Variants in JMJD1C observed in about 807,000 individuals in gnomAD.
JMJD1C encodes the protein jumonji domain-containing protein 1C.
In JMJD1C, 31 loss-of-function variants were observed where a neutral mutation model predicts 245.3. That is an observed-to-expected ratio of 0.13 (90% confidence interval 0.09 to 0.17). The LOEUF is 0.17. Ranked by LOEUF, JMJD1C falls within the 10% of genes least tolerant of loss-of-function variation. The pLI, the probability that JMJD1C is intolerant of heterozygous loss-of-function variation, is 1.00. For synonymous variants in JMJD1C, 1,057 were observed against 1,017.4 expected, an observed-to-expected ratio of 1.04 and a Z score of -0.74; for missense variants, 2,691 against 3,000.2, an observed-to-expected ratio of 0.90 and a Z score of 2.41.
At position 63,452,062 on chromosome 10, in the gene JMJD1C, A is replaced by C. The variant is rs946557805; in HGVS notation, c.168+13433T>G. Among the ~76,000 whole-genome samples the C allele has an allele frequency of 2.6e-5, 4 of 152,306 alleles. No individual in the cohort carries two copies. In the East Asian group the frequency reaches 7.7e-4, roughly 29 times the overall value. Reference sequence around the variant, plus strand: ...ACTTCTGGGAAATGACACCAAAAGCACCAACAACAAAATAAAAGATGGATA... The same window carrying C: ...ACTTCTGGGAAATGACACCAAAAGCCCCAACAACAAAATAAAAGATGGATA... On this transcript the variant is annotated intron_variant, in intron 1 of 25. Coordinates refer to ENST00000399262, the MANE Select transcript of JMJD1C (RefSeq NM_032776.3).
intron 1 of JMJD1C, chr10:63,428,082 G>A (rs944076396): frequency 1.2e-5 from 6 of 484,580 alleles, no homozygotes; most frequent in Admixed American, 3.3e-5. Context: ...TATATATTAA[G>A]ACAGCTGATC....
intron 1 of JMJD1C, among the ~76,000 whole-genome samples, chr10:63,463,977 T>C (rs888577993): frequency 5.3e-5 from 8 of 152,140 alleles, no homozygotes; most frequent in African/African-American, 1.4e-4. Context: ...TATTTATATA[T>C]ACAAATTTTT....
chr10:63,180,001 TTTTTC>T (rs1043991603), intron 22 of JMJD1C, among the ~76,000 whole-genome samples: 9 of 152,194 alleles, frequency 5.9e-5, no homozygotes, highest in South Asian at 2.1e-4. Context: ...TTTTTTTCTT[TTTTTC>T]TTTTATTTTT....
rs373201893 is a variant in JMJD1C, at chr10:63,177,684, G to A, written c.7224+33C>T. ...AACAATGAATAAGTCCTTGCTTGAG[G>A]GGAAGAGATATTATTTGCAAACTAA... On this transcript the variant is annotated intron_variant, in intron 23 of 25. Coordinates refer to ENST00000399262, the MANE Select transcript of JMJD1C (RefSeq NM_032776.3). 42 of 1,608,488 alleles carry A rather than the reference G, an allele frequency of 2.6e-5. No homozygotes were observed. In the African/African-American group the frequency reaches 4.3e-4, roughly 16 times the overall value.
Position 63,422,059 on chromosome 10 carries a change from A to C in JMJD1C, c.169-41577T>G, listed in dbSNP as rs1032485087. Among the ~76,000 whole-genome samples the C allele has an allele frequency of 9.2e-5, 14 of 152,370 alleles. No individual in the cohort carries two copies. In the East Asian group the frequency reaches 2.7e-3, roughly 29 times the overall value. ...TAAATTTAAAGATAAAAATACAATG[A>C]AACATTTTTTGAGATCATAGAAGAG... On this transcript the variant is annotated intron_variant, in intron 1 of 25. Coordinates refer to ENST00000399262, the MANE Select transcript of JMJD1C (RefSeq NM_032776.3).
At chr10:63,367,433 A>C (rs1564839883) in intron 2 of JMJD1C, among the ~76,000 whole-genome samples, 2 of 151,936 alleles carry the variant, frequency 1.3e-5, no homozygotes, top group African/African-American at 4.8e-5. Flanking sequence ...TTTAGGAGAG[A>C]TGGGGTTTCT....
chr10:63,472,638 TTTC>T (rs1179513447), intron 1 of JMJD1C, among the ~76,000 whole-genome samples: 2 of 151,802 alleles, frequency 1.3e-5, no homozygotes, highest in Non-Finnish European at 2.9e-5. Context: ...CGCCCTGCAA[TTTC>T]TTTTTATATT....
rs763647054 is a variant in JMJD1C at position 63,381,487 on chromosome 10, G to A, written c.169-1005C>T. On this transcript the variant is annotated intron_variant, in intron 1 of 25. Coordinates refer to ENST00000399262, the MANE Select transcript of JMJD1C (RefSeq NM_032776.3). ...ATGATAGCTACAGTGAGCTATGATC[G>A]CACCACTGCACTGCAGCCCAGGTGA... Among the ~76,000 whole-genome samples the A allele has an allele frequency of 1.3e-4, 20 of 152,218 alleles. 1 individual carries two copies. In the South Asian group the frequency reaches 1.5e-3, roughly 11 times the overall value.
chr10:63,269,515 T>C lies in JMJD1C; in HGVS notation c.334-4751A>G, dbSNP rs73292304. ...GAGAAAGTGCAGAAAAGAAATAACA[T>C]GTGACTATCTCTCAAGTTGGTAAAA... is the stretch of plus-strand genomic sequence containing the variant. On this transcript the variant is annotated intron_variant, in intron 2 of 25. Transcript: ENST00000399262. Among the ~76,000 whole-genome samples the C allele has an allele frequency of 3.1e-3, 466 of 152,274 alleles. 2 individuals are homozygous for C. Among genetic ancestry groups the C allele is most frequent in the African/African-American group, 0.01 (430 of 41,564 alleles).
chr10:63,476,302 A>G (rs1953659586), intron 1 of JMJD1C, among the ~76,000 whole-genome samples: 1 of 150,810 alleles, frequency 6.6e-6, no homozygotes, highest in Non-Finnish European at 1.5e-5. Context: ...TAATCAGAGC[A>G]ATAAAAGGCA....
At position 63,394,875 on chromosome 10, in the gene JMJD1C, TC is replaced by T. The variant is rs1453405971; in HGVS notation, c.169-14394del. Among the ~76,000 whole-genome samples, 5 of 147,788 alleles carry T rather than the reference TC, an allele frequency of 3.4e-5. No individual in the cohort carries two copies. The East Asian group carries it at 9.9e-4, about 29-fold the overall frequency. On this transcript the variant is annotated intron_variant, in intron 1 of 25. Transcript: ENST00000399262. ...AAAAAAAAAGTGATGTTAGATGCCA[TC>T]AAAATTGGAAACGTTTTACTCTGTG...
chr10:63,292,687 G>A (rs530993209), intron 2 of JMJD1C, among the ~76,000 whole-genome samples: 2 of 152,148 alleles, frequency 1.3e-5, no homozygotes, highest in Non-Finnish European at 2.9e-5. Context: ...AATCCACTTC[G>A]TCCATAGTCC....
At chr10:63,505,668 A>C (rs766091391) in intron 1 of JMJD1C, among the ~76,000 whole-genome samples, 29 of 152,186 alleles carry the variant, frequency 1.9e-4, no homozygotes, top group South Asian at 1.0e-3. Context: ...GGAACTGAGA[A>C]TGTTTGTTCA....
intron 1 of JMJD1C, among the ~76,000 whole-genome samples, chr10:63,485,690 G>A (rs1441584177): frequency 6.6e-6 from 1 of 152,080 alleles, no homozygotes; most frequent in Non-Finnish European, 1.5e-5. Flanking sequence ...CAGTGCCTGG[G>A]GACCTTTGGC....
At chr10:63,177,604 G>T in intron 23 of JMJD1C, 113 bp downstream of exon 23, 1 of 1,101,546 alleles carries the variant, frequency 9.1e-7, no homozygotes, top group Non-Finnish European at 1.3e-6. Flanking sequence ...CATCTACTTT[G>T]AAGTAAAAAT....
At chr10:63,401,995 G>T (rs895529511) in intron 1 of JMJD1C, among the ~76,000 whole-genome samples, 1 of 151,960 alleles carries the variant, frequency 6.6e-6, no homozygotes, top group East Asian at 1.9e-4. Context: ...TTAGCCAGGC[G>T]TGGTGGTGCA....
intron 22 of JMJD1C, among the ~76,000 whole-genome samples, chr10:63,182,984 C>T (rs1843672854): frequency 1.3e-5 from 2 of 152,160 alleles, no homozygotes; most frequent in African/African-American, 4.8e-5. Context: ...GCCTCAGCCT[C>T]CTGAGCAGCT....
intron 13 of JMJD1C, among the ~76,000 whole-genome samples, chr10:63,195,724 A>G (rs545585403): frequency 6.6e-6 from 1 of 151,968 alleles, no homozygotes; most frequent in South Asian, 2.1e-4. Context: ...GCCGATCACG[A>G]GGTCAGGAGA....
At chr10:63,451,652 G>T (rs1952076355) in intron 1 of JMJD1C, among the ~76,000 whole-genome samples, 1 of 152,066 alleles carries the variant, frequency 6.6e-6, no homozygotes, top group Admixed American at 6.6e-5. Flanking sequence ...AAGTATGTAG[G>T]TTACATGCAA....
Sources: allele counts gnomAD v4.1 joint callset (sites outside exome capture counted in the v4.1 genomes callset), GRCh38; gene constraint gnomAD v4.1.1; transcripts MANE v1.5; gene names NCBI Gene and HGNC (gene_info 2026-07-23, HGNC 2026-07-21).